Variants in CNOT1 observed in about 807,000 individuals in gnomAD.
CNOT1 encodes the protein CCR4-NOT transcription complex subunit 1.
Under a neutral mutation model 273.8 loss-of-function variants are expected in CNOT1, and 15 were observed. The observed-to-expected ratio is 0.05, with a 90% CI of 0.04 to 0.08. The LOEUF (loss-of-function observed/expected upper bound fraction) is 0.08. CNOT1 is among the 10% of genes least tolerant of loss of function. The pLI is 1.00. For synonymous variants in CNOT1, 1,022 were observed against 1,005.5 expected (o/e 1.02, Z -0.31); for missense variants, 1,644 against 2,912.2 (o/e 0.56, Z 10.02).
chr16:58,557,999 C>CA (rs2040694873), intron 18 of CNOT1, among the ~76,000 whole-genome samples: 2 of 146,272 alleles, frequency 1.4e-5, no homozygotes, highest in Admixed American at 1.4e-4. Context: ...CCCCACTACC[C>CA]AAAAAACAAA....
At chr16:58,622,990 G>A (rs1246156769) in intron 1 of CNOT1, among the ~76,000 whole-genome samples, 2 of 152,060 alleles carry the variant, frequency 1.3e-5, no homozygotes, top group Non-Finnish European at 1.5e-5. Context: ...CTGAGGTCAG[G>A]AGTTCGAGAC....
In CNOT1 at chr16:58,574,457, G is replaced by T. The variant is rs944572888; in HGVS notation, c.1979+152C>A. 29 of 610,656 alleles carry T rather than the reference G, an allele frequency of 4.7e-5. No homozygotes were observed. In the Admixed American group the frequency reaches 1.0e-3, roughly 22 times the overall value. The allele number at this position is 610,656 out of a possible 1,614,324, so 37.8% of individuals were successfully genotyped here. On this transcript the variant is annotated intron_variant, in intron 16 of 48. Transcript: ENST00000317147. ...CAAAACCTTAACTCAAATGGATCTA[G>T]TATGTATCATAAATAGTATAGGACT...
intron 38 of CNOT1, 131 bp from the exon 39 acceptor site, chr16:58,537,351 C>T (rs1567392088): frequency 7.5e-7 from 1 of 1,328,724 alleles, no homozygotes; most frequent in Non-Finnish European, 1.0e-6. Flanking sequence ...CACTTCCACA[C>T]TGAAACAAAA....
chr16:58,543,768 T>C lies in CNOT1; in HGVS notation c.4273A>G (p.Arg1425Gly). 1 of 1,614,186 alleles carries C rather than the reference T, an allele frequency of 6.2e-7. No individual in the cohort carries two copies. The highest frequency in any genetic ancestry group is 8.5e-7 in the Non-Finnish European group (1 of 1,180,030). The change falls in exon 31 of 49, where the codon AGG (arginine) becomes GGG (glycine). Residue 1425 changes from arginine to glycine, a missense_variant. Arg to Gly is a moderately radical substitution (Grantham distance 125). Transcript: ENST00000317147. ...IAMTTCEQIV[R>G]KDFALDSEES... ...TCCGAATCCAGGGCAAAATCCTTCCTGACTATTTGCTCACAAGTAGTCATG... is the reference window on the plus strand; with the variant it reads ...TCCGAATCCAGGGCAAAATCCTTCCCGACTATTTGCTCACAAGTAGTCATG...
intron 47 of CNOT1, among the ~76,000 whole-genome samples, chr16:58,522,256 AAAAAAAAAAAAG>A (rs2039419323): frequency 6.6e-6 from 1 of 150,694 alleles, no homozygotes; most frequent in African/African-American, 2.4e-5. Context: ...AAAAAAAAAA[AAAAAAAAAAAAG>A]CTAACATTGC....
intron 21 of CNOT1, among the ~76,000 whole-genome samples, 180 bp downstream of exon 21, chr16:58,555,071 G>A (rs2040588320): frequency 6.6e-6 from 1 of 152,100 alleles, no homozygotes; most frequent in Non-Finnish European, 1.5e-5. Context: ...GGCTGGGAAT[G>A]GTGGTATGCA....
chr16:58,554,938 A>C (rs951894107), intron 21 of CNOT1, among the ~76,000 whole-genome samples: 6 of 146,618 alleles, frequency 4.1e-5, no homozygotes, highest in Non-Finnish European at 7.5e-5. Context: ...TCCATCTCAA[A>C]AAAAAAAAAA....
chr16:58,601,193 C>A (rs902103768), intron 1 of CNOT1, among the ~76,000 whole-genome samples: 4 of 152,124 alleles, frequency 2.6e-5, no homozygotes, highest in Non-Finnish European at 5.9e-5. Context: ...TGACCTCAGG[C>A]GATCCACCTG....
intron 16 of CNOT1, among the ~76,000 whole-genome samples, chr16:58,561,033 A>G (rs2040821212): frequency 6.6e-6 from 1 of 152,114 alleles, no homozygotes; most frequent in Non-Finnish European, 1.5e-5. Flanking sequence ...TTCAAAAAAA[A>G]AGTTAGCTGG....
At chr16:58,593,426 G>A (rs1304691008) in intron 2 of CNOT1, among the ~76,000 whole-genome samples, 1 of 152,172 alleles carries the variant, frequency 6.6e-6, no homozygotes, top group Non-Finnish European at 1.5e-5. Flanking sequence ...AGGCATAGTG[G>A]CACATGCCTG....
At chr16:58,542,662 A>G in intron 31 of CNOT1, 94 bp from the exon 32 acceptor site, 1 of 1,503,800 alleles carries the variant, frequency 6.6e-7, no homozygotes, top group South Asian at 1.3e-5. Flanking sequence ...AATGCAGTGC[A>G]TTTGGCAAAT....
intron 31 of CNOT1, chr16:58,543,092 C>T: frequency 8.0e-7 from 1 of 1,243,632 alleles, no homozygotes; most frequent in East Asian, 4.7e-5. Context: ...GACCCTGTCT[C>T]ATGAAACATT....
Position 58,576,601 on chromosome 16 carries a change from A to AT in CNOT1, c.1585-20dup, listed in dbSNP as rs1268699139. 5.1e-5 allele frequency: 82 copies of AT among 1,613,766 alleles called. No individual in the cohort carries two copies. Among genetic ancestry groups the AT allele is most frequent in the Non-Finnish European group, 6.5e-5 (77 of 1,179,844 alleles). On this transcript the variant is annotated intron_variant, in intron 13 of 48. Transcript: ENST00000317147. ...ACTGTCCCTAAAAAGGGGAAGAAAG[A>AT]TTAAATAGCAATACTGCTAAACACT...
At chr16:58,605,839 T>G (rs1282897213) in intron 1 of CNOT1, among the ~76,000 whole-genome samples, 1 of 152,022 alleles carries the variant, frequency 6.6e-6, no homozygotes, top group East Asian at 1.9e-4. Flanking sequence ...GTATTTTTTG[T>G]AGAGATGGGG....
Position 58,548,517 on chromosome 16 carries a change from T to C in CNOT1, c.3523-835A>G, listed in dbSNP as rs772605012. On this transcript the variant is annotated intron_variant, in intron 25 of 48. Coordinates refer to ENST00000317147, the MANE Select transcript of CNOT1 (RefSeq NM_016284.5). ...AATAGAGCCATGTTCCTTAACTCTA[T>C]ACAGCAACAGCAGAATGGCACAAGT... The C allele has an allele frequency of 9.6e-6, 5 of 518,954 alleles. No individual in the cohort carries two copies. The East Asian group carries it at 2.2e-4, about 23-fold the overall frequency. The allele number at this position is 518,954 out of a possible 1,614,324, so 32.1% of individuals were successfully genotyped here.
At chr16:58,531,343 T>C (rs2039773363) in intron 42 of CNOT1, among the ~76,000 whole-genome samples, 1 of 152,244 alleles carries the variant, frequency 6.6e-6, no homozygotes, top group Non-Finnish European at 1.5e-5. Flanking sequence ...CAGTACTCAT[T>C]TGCCAATTTA....
At chr16:58,627,587 G>A (rs1452018531) in intron 1 of CNOT1, among the ~76,000 whole-genome samples, 1 of 151,454 alleles carries the variant, frequency 6.6e-6, no homozygotes, top group African/African-American at 2.4e-5. Flanking sequence ...TAAGAAGGAT[G>A]TCTTATTATT....
Position 58,574,641 on chromosome 16 carries a change from C to G in CNOT1, c.1947G>C (p.Ala649=). 1 of 1,600,782 alleles carries G rather than the reference C, an allele frequency of 6.2e-7. No individual in the cohort carries two copies. Among genetic ancestry groups the G allele is most frequent in the Non-Finnish European group, 8.5e-7 (1 of 1,177,332 alleles). The change falls in exon 16 of 49, where the codon GCG becomes GCC. Residue 649 remains alanine (A), a synonymous_variant. Transcript: ENST00000317147. Reference sequence around the variant, plus strand: ...AAGCTTGCAGACAGGCCAACATTGTCGCCAAAGTTTCTGGAGGAAGTTGAG... The same window carrying G: ...AAGCTTGCAGACAGGCCAACATTGTGGCCAAAGTTTCTGGAGGAAGTTGAG... ...KSAQLPPETL[A]TMLACLQACA... is the part of the protein sequence containing the mutation.
intron 16 of CNOT1, among the ~76,000 whole-genome samples, chr16:58,566,846 C>T (rs2041060590): frequency 6.6e-6 from 1 of 152,124 alleles, no homozygotes; most frequent in Non-Finnish European, 1.5e-5. Flanking sequence ...GTTGATCAGG[C>T]TGGTCTTGAG....
Sources: allele counts gnomAD v4.1 joint callset (sites outside exome capture counted in the v4.1 genomes callset), GRCh38; gene constraint gnomAD v4.1.1; transcripts MANE v1.5; gene names NCBI Gene and HGNC (gene_info 2026-07-23, HGNC 2026-07-21).